RGMA: variants seen among roughly 807,000 people sequenced by gnomAD.
RGMA encodes repulsive guidance molecule BMP co-receptor a, also known as repulsive guidance molecule A.
In RGMA, 10 loss-of-function variants were observed where a neutral mutation model predicts 23.2. The ratio of observed to expected loss-of-function variants is 0.43; its 90% CI spans 0.27 to 0.73. RGMA has a LOEUF of 0.73. Among genes scored for constraint, RGMA ranks in the 30% least tolerant of loss-of-function variants. The probability of loss-of-function intolerance (pLI) is 0.20; values close to 1 mark genes in which losing one functional copy is unlikely to be tolerated. For synonymous variants in RGMA, 308 were observed against 279.3 expected (o/e 1.10, Z -1.03); for missense variants, 547 against 630.5 (o/e 0.87, Z 1.42).
At chr15:93,051,127 C>A (rs1482703373) in intron 3 of RGMA, among the ~76,000 whole-genome samples, 1 of 152,238 alleles carries the variant, frequency 6.6e-6, no homozygotes, top group Non-Finnish European at 1.5e-5. Context: ...CAGAAAGTGA[C>A]CCCCTGCAGG....
Position 93,043,162 on chromosome 15 carries a change from A to C in RGMA, c.*1836T>G, listed in dbSNP as rs2054746367. 1 of 152,298 alleles carries C rather than the reference A, an allele frequency of 6.6e-6. No homozygotes were observed. Among genetic ancestry groups the C allele is most frequent in the Non-Finnish European group, 1.5e-5 (1 of 68,068 alleles). The allele number at this position is 152,298 out of a possible 1,614,324, so 9.4% of individuals were successfully genotyped here. ...GCCTTCACACCATTCTCACGCACAT[A>C]CACATGCGCACACACATGCCTACAT... On this transcript the variant is annotated 3_prime_UTR_variant, in exon 4 of 4. Coordinates refer to ENST00000329082, the MANE Select transcript of RGMA (RefSeq NM_020211.3).
rs10444881 is a variant in RGMA, at chr15:93,035,813, G to A, written c.*9185C>T. The A allele has an allele frequency of 1, 152,356 of 152,356 alleles. 76,178 individuals carry two copies. The highest frequency in any genetic ancestry group is 1 in the Non-Finnish European group (68,072 of 68,072). 9.4% of individuals were successfully genotyped at this position (152,356 alleles called of 1,614,324 possible). Reference sequence around the variant, plus strand: ...CCTGCGGTCTCCCAAGGGGCTTTGCGCCAGTATGAGCTTATGTAGTTCTTC... The same window carrying A: ...CCTGCGGTCTCCCAAGGGGCTTTGCACCAGTATGAGCTTATGTAGTTCTTC... On this transcript the variant is annotated 3_prime_UTR_variant, in exon 4 of 4. Coordinates refer to ENST00000329082, the MANE Select transcript of RGMA (RefSeq NM_020211.3).
intron 1 of RGMA, among the ~76,000 whole-genome samples, chr15:93,085,925 A>G (rs1895627984): frequency 6.6e-6 from 1 of 152,212 alleles, no homozygotes; most frequent in African/African-American, 2.4e-5. Context: ...CCTTGTATGC[A>G]TACTTGGGTA....
intron 1 of RGMA, among the ~76,000 whole-genome samples, chr15:93,083,578 C>G (rs1895592299): frequency 6.6e-6 from 1 of 152,206 alleles, no homozygotes. Flanking sequence ...GTTAGCCAAC[C>G]TCGGCCTCCC....
chr15:93,088,741 T>A, intron 1 of RGMA, 178 bp downstream of exon 1: 1 of 758,292 alleles, frequency 1.3e-6, no homozygotes, highest in Non-Finnish European at 2.0e-6. Context: ...ACAAAAACTT[T>A]CCTGCTGCCA....
At position 93,052,331 on chromosome 15, in the gene RGMA, C is replaced by T. The variant is rs374516123; in HGVS notation, c.307G>A (p.Val103Ile). The T allele has an allele frequency of 1.6e-4, 254 of 1,602,826 alleles. 1 individual carries two copies. Among genetic ancestry groups the T allele is most frequent in the Middle Eastern group, 6.6e-4 (4 of 6,060 alleles). ...CTCATGAGGTCCTCTATGCCATGGA[C>T]GGCCGAGTGGTAGGCCAGGTCACCC... Reference protein sequence around the residue: ...CRGDLAYHSAVHGIEDLMSQH... With the variant: ...CRGDLAYHSAIHGIEDLMSQH... The change falls in exon 3 of 4, where the codon GTC (valine) becomes ATC (isoleucine). Residue 103 changes from valine to isoleucine, a missense_variant. Val to Ile is a conservative substitution (Grantham distance 29, BLOSUM62 3). Around this residue, in one of 3 missense-constraint regions of RGMA, gnomAD observed 214 missense variants for 234.7 expected, o/e 0.91. Transcript: ENST00000329082.
rs1286365274 is a variant in RGMA at position 93,042,485 on chromosome 15, C to G, written c.*2513G>C. On this transcript the variant is annotated 3_prime_UTR_variant, in exon 4 of 4. Transcript: ENST00000329082. The stretch of plus-strand genomic sequence containing the variant: ...CCCCCATCTTCCAGAGAACAGCATG[C>G]AGGCTCAGAGAGGTGAAGTGACTTG... The G allele has an allele frequency of 6.5e-6, 1 of 153,208 alleles. No individual in the cohort carries two copies. Among genetic ancestry groups the G allele is most frequent in the Non-Finnish European group, 1.5e-5 (1 of 68,850 alleles). 9.5% of individuals were successfully genotyped at this position (153,208 alleles called of 1,614,324 possible).
intron 2 of RGMA, among the ~76,000 whole-genome samples, chr15:93,055,281 A>G (rs1000993649): frequency 1.3e-5 from 2 of 152,156 alleles, no homozygotes; most frequent in East Asian, 3.9e-4. Flanking sequence ...AGCAGGTCCC[A>G]CTGCAACACA....
intron 2 of RGMA, among the ~76,000 whole-genome samples, chr15:93,061,638 C>T (rs1430322656): frequency 5.9e-5 from 9 of 152,222 alleles, no homozygotes; most frequent in Non-Finnish European, 1.3e-4. Context: ...CCACACAGCA[C>T]GTCTGACTTA....
At chr15:93,088,826 G>A in intron 1 of RGMA, 93 bp downstream of exon 1, 1 of 1,216,696 alleles carries the variant, frequency 8.2e-7, no homozygotes, top group Admixed American at 2.2e-5. Context: ...GCGGGGCTAA[G>A]GAAGACCAAA....
At chr15:93,083,353 A>G (rs2103341) in intron 1 of RGMA, among the ~76,000 whole-genome samples, 135,117 of 152,196 alleles carry the variant, frequency 0.89, 60,104 homozygotes, top group East Asian at 0.99. Flanking sequence ...TTTGAGACAA[A>G]GTCTCACTCT....
chr15:93,079,557 C>T (rs2141846767), intron 1 of RGMA, among the ~76,000 whole-genome samples: 1 of 152,316 alleles, frequency 6.6e-6, no homozygotes, highest in Non-Finnish European at 1.5e-5. Context: ...CAGTGGCTCA[C>T]ACCTGTAATC....
intron 1 of RGMA, among the ~76,000 whole-genome samples, chr15:93,081,933 A>G (rs568277743): frequency 8.6e-4 from 131 of 152,314 alleles, no homozygotes; most frequent in Admixed American, 2.9e-3. Flanking sequence ...AGGCTAAGGG[A>G]ATTTCTTCAC....
intron 3 of RGMA, 90 bp downstream of exon 3, chr15:93,051,903 G>T: frequency 7.4e-7 from 1 of 1,349,638 alleles, no homozygotes; most frequent in Non-Finnish European, 1.0e-6. Flanking sequence ...CCCATTCCCA[G>T]GCACCCGAGG....
chr15:93,052,545 C>G (rs746767137), intron 2 of RGMA, 38 bp from the exon 3 acceptor site: 2 of 1,512,950 alleles, frequency 1.3e-6, no homozygotes, highest in Non-Finnish European at 1.8e-6. Flanking sequence ...CGGGGTGCAG[C>G]CTGGCAACCC....
intron 1 of RGMA, chr15:93,073,600 C>A (rs1436492306): frequency 6.5e-7 from 1 of 1,535,926 alleles, no homozygotes; most frequent in Non-Finnish European, 8.7e-7. Context: ...CTTCCACCGA[C>A]GCCCCCTGGC....
rs1369810722 is a variant in RGMA at position 93,042,700 on chromosome 15, T to G, written c.*2298A>C. On this transcript the variant is annotated 3_prime_UTR_variant, in exon 4 of 4. Coordinates refer to ENST00000329082, the MANE Select transcript of RGMA (RefSeq NM_020211.3). ...TCAGTTAATCTCAGAGTCTGTTTCATCGGCAAAATGGGCCTGAATTTCTTC... is the reference window on the plus strand; with the variant it reads ...TCAGTTAATCTCAGAGTCTGTTTCAGCGGCAAAATGGGCCTGAATTTCTTC... 1 of 152,284 alleles carries G rather than the reference T, an allele frequency of 6.6e-6. No homozygotes were observed. The highest frequency in any genetic ancestry group is 1.5e-5 in the Non-Finnish European group (1 of 68,088). 9.4% of individuals were successfully genotyped at this position (152,284 alleles called of 1,614,324 possible).
In RGMA at chr15:93,052,525, AACAC is replaced by A; in HGVS notation, c.131-22_131-19del. 6.5e-7 allele frequency: 1 copy of A among 1,550,252 alleles called. No individual in the cohort carries two copies. Reference sequence around the variant, plus strand: ...GGAGGTGGCTGAGGAGAAAGGAACGAACACACCGTCGGGGTGCAGCCTGGCAACC... The same window carrying A: ...GGAGGTGGCTGAGGAGAAAGGAACGAACCGTCGGGGTGCAGCCTGGCAACC... On this transcript the variant is annotated intron_variant, in intron 2 of 3. Transcript: ENST00000329082.
chr15:93,065,841 G>A, intron 2 of RGMA: 5 of 766,686 alleles, frequency 6.5e-6, no homozygotes, highest in Non-Finnish European at 1.1e-5. Context: ...CCTCCCTGCT[G>A]TTGCTGCCCC....
Sources: allele counts gnomAD v4.1 joint callset (sites outside exome capture counted in the v4.1 genomes callset), GRCh38; gene constraint gnomAD v4.1.1; regional missense constraint gnomAD v4.1.1; transcripts MANE v1.5; gene names NCBI Gene and HGNC (gene_info 2026-07-23, HGNC 2026-07-21).